SDHC: variants seen among roughly 807,000 people sequenced by gnomAD.
The protein encoded by SDHC is succinate dehydrogenase cytochrome b560 subunit, mitochondrial.
A neutral mutation model predicts 22.6 loss-of-function variants in SDHC; 11 were observed. The observed-to-expected ratio is 0.49, with a 90% CI of 0.31 to 0.81. The LOEUF (loss-of-function observed/expected upper bound fraction) is 0.81, where lower values mean the gene tolerates loss of function less well. SDHC is among the 30% of genes least tolerant of loss of function. SDHC has a pLI of 0.05. For missense variants in SDHC, 160 were observed against 212.0 expected (o/e 0.75, Z 1.52); for synonymous variants, 80 against 77.8 (o/e 1.03, Z -0.15).
rs1558167376 is a variant in SDHC, at chr1:161,328,506, G to A, written c.179+9G>A. ...CACATTACTATCTACAGGTAAGGAAGGATTCTGGAGCCAGAGAATCTAGAG... is the reference window on the plus strand; with the variant it reads ...CACATTACTATCTACAGGTAAGGAAAGATTCTGGAGCCAGAGAATCTAGAG... On this transcript the variant is annotated intron_variant, in intron 3 of 5. Transcript: ENST00000367975. 1.3e-6 allele frequency: 2 copies of A among 1,564,276 alleles called. No individual in the cohort carries two copies. The highest frequency in any genetic ancestry group is 1.8e-6 in the Non-Finnish European group (2 of 1,134,518).
intron 2 of SDHC, among the ~76,000 whole-genome samples, chr1:161,326,479 G>A (rs1296772919): frequency 6.7e-6 from 1 of 149,328 alleles, no homozygotes; most frequent in Non-Finnish European, 1.5e-5. Flanking sequence ...TATATAGTAG[G>A]GTGTCCTCAG....
chr1:161,337,169 C>T (rs925394625), intron 3 of SDHC, among the ~76,000 whole-genome samples: 1 of 151,904 alleles, frequency 6.6e-6, no homozygotes, highest in Non-Finnish European at 1.5e-5. Flanking sequence ...GCCTGAGCCA[C>T]TGTGCCTGCC....
chr1:161,339,556 T>C, intron 3 of SDHC: 5 of 1,261,900 alleles, frequency 4.0e-6, no homozygotes, highest in Non-Finnish European at 5.2e-6. Context: ...TTTTTTTTTT[T>C]CTCAGCCCTA....
intron 5 of SDHC, 82 bp from the exon 6 acceptor site, chr1:161,362,247 A>C: frequency 6.8e-7 from 1 of 1,472,132 alleles, no homozygotes; most frequent in Non-Finnish European, 9.3e-7. Context: ...CTATTCCTTT[A>C]GGTAGAATTA....
At chr1:161,316,479 G>A (rs1290602758) in intron 1 of SDHC, among the ~76,000 whole-genome samples, 2 of 152,224 alleles carry the variant, frequency 1.3e-5, no homozygotes, top group African/African-American at 2.4e-5. Flanking sequence ...TTAACCCTGA[G>A]TTGACACAGC....
intron 1 of SDHC, among the ~76,000 whole-genome samples, chr1:161,320,469 A>ACCACGCCCGGCTAATTTTTTGTATTTT (rs1670799006): frequency 6.6e-6 from 1 of 152,216 alleles, no homozygotes. Context: ...AAGATAAATT[A>ACCACGCCCGGCTAATTTTTTGTATTTT]TAGTCACATC....
Position 161,362,631 on chromosome 1 carries a change from A to G in SDHC, c.*198A>G. 1 of 1,576,210 alleles carries G rather than the reference A, an allele frequency of 6.3e-7. No homozygotes were observed. On this transcript the variant is annotated 3_prime_UTR_variant, in exon 6 of 6. Transcript: ENST00000367975. ...GGGTCTAGTTTTCCCCTTGTTTCTA[A>G]AGATGAGGTGGCTGCAAAAACTCCC...
At chr1:161,357,524 C>T (rs113989295) in intron 5 of SDHC, among the ~76,000 whole-genome samples, 2,719 of 152,100 alleles carry the variant, frequency 0.018, 84 homozygotes, top group African/African-American at 0.063. Flanking sequence ...CCCAACCTCC[C>T]GAGCAGCTGG....
At chr1:161,337,400 T>G (rs55809622) in intron 3 of SDHC, among the ~76,000 whole-genome samples, 17,773 of 152,050 alleles carry the variant, frequency 0.12, 1,399 homozygotes, top group African/African-American at 0.22. Flanking sequence ...TCACATGTCT[T>G]TGTAGGCTGC....
intron 3 of SDHC, among the ~76,000 whole-genome samples, chr1:161,332,052 G>A (rs1054162929): frequency 2.0e-5 from 3 of 151,752 alleles, no homozygotes; most frequent in South Asian, 4.2e-4. Flanking sequence ...ATCATAGCTC[G>A]TTGTAACCTT....
chr1:161,315,269 C>T (rs187400621), intron 1 of SDHC, among the ~76,000 whole-genome samples: 2 of 152,340 alleles, frequency 1.3e-5, no homozygotes. Context: ...ATTTCAATCC[C>T]TGATTTCCCC....
At chr1:161,345,406 T>C (rs911405154) in intron 4 of SDHC, among the ~76,000 whole-genome samples, 1 of 152,204 alleles carries the variant, frequency 6.6e-6, no homozygotes, top group Non-Finnish European at 1.5e-5. Context: ...ATAGTTCTTA[T>C]TGTGCTGTGT....
At position 161,323,698 on chromosome 1, in the gene SDHC, A is replaced by ATT. The variant is rs371604278; in HGVS notation, c.77+30_77+31dup. The ATT allele has an allele frequency of 2.2e-4, 334 of 1,525,610 alleles. 1 individual carries two copies. In the African/African-American group the frequency reaches 3.1e-3, roughly 14 times the overall value. 94.5% of individuals were successfully genotyped at this position (1,525,610 alleles called of 1,614,324 possible). On this transcript the variant is annotated intron_variant, in intron 2 of 5. Transcript: ENST00000367975. ...AAGTTTCTAAGTCTGGAGATTATTT[A>ATT]TTTATTTTTTTTTTTGAGACGGAGT...
intron 3 of SDHC, among the ~76,000 whole-genome samples, chr1:161,337,962 CTT>C (rs1367565682): frequency 2.0e-5 from 3 of 152,208 alleles, no homozygotes; most frequent in Non-Finnish European, 4.4e-5. Context: ...GTTTCACACT[CTT>C]GTCATCAATT....
chr1:161,344,348 G>A (rs1671823209), intron 4 of SDHC, among the ~76,000 whole-genome samples: 1 of 151,874 alleles, frequency 6.6e-6, no homozygotes, highest in South Asian at 2.1e-4. Context: ...TATAGTCTCA[G>A]CTACTAGGGA....
chr1:161,333,401 CTTTTTTTTTT>C (rs71581410), intron 3 of SDHC, among the ~76,000 whole-genome samples: 1 of 130,422 alleles, frequency 7.7e-6, no homozygotes. Context: ...CTATGTTTAA[CTTTTTTTTTT>C]TTTTTTTTTT....
Position 161,320,858 on chromosome 1 carries a change from C to G in SDHC, c.21-2756C>G, listed in dbSNP as rs537324416. ...TTTTTTTTTTTTTGAGATGGAGTCC[C>G]GCTCTGTCACCAGGCTGGAGTGCAG... On this transcript the variant is annotated intron_variant, in intron 1 of 5. Coordinates refer to ENST00000367975, the MANE Select transcript of SDHC (RefSeq NM_003001.5). 4.7e-5 allele frequency among the ~76,000 whole-genome samples: 6 copies of G among 128,572 alleles called. No individual in the cohort carries two copies. In the South Asian group the frequency reaches 1.3e-3, roughly 28 times the overall value. 84.3% of individuals were successfully genotyped at this position (128,572 alleles called of 152,430 possible).
At chr1:161,343,846 T>G (rs1377252542) in intron 4 of SDHC, among the ~76,000 whole-genome samples, 2 of 152,184 alleles carry the variant, frequency 1.3e-5, no homozygotes, top group Non-Finnish European at 2.9e-5. Context: ...GATACTGACT[T>G]TTTTATAGAC....
chr1:161,356,502 A>G (rs1366323966), intron 4 of SDHC, among the ~76,000 whole-genome samples, 175 bp from the exon 5 acceptor site: 6 of 152,134 alleles, frequency 3.9e-5, no homozygotes, highest in Non-Finnish European at 7.4e-5. Flanking sequence ...TTGCACCACT[A>G]TACTCCAGCC....
Sources: allele counts gnomAD v4.1 joint callset (sites outside exome capture counted in the v4.1 genomes callset), GRCh38; gene constraint gnomAD v4.1.1; transcripts MANE v1.5; gene names NCBI Gene and HGNC (gene_info 2026-07-23, HGNC 2026-07-21).